NEBL: variants seen among roughly 807,000 people sequenced by gnomAD.
The protein encoded by NEBL is LIM and SH3 protein 2.
Under a neutral mutation model 140.2 loss-of-function variants are expected in NEBL, and 122 were observed. The observed-to-expected ratio is 0.87, with a 90% confidence interval of 0.75 to 1.01. The LOEUF (loss-of-function observed/expected upper bound fraction) is 1.01. Among genes scored for constraint, NEBL ranks in the 50% least tolerant of loss-of-function variants. NEBL has a pLI of 0.00. For missense variants in NEBL, 1,365 were observed against 1,231.3 expected (o/e 1.11, Z -1.62); for synonymous variants, 436 against 398.9 (o/e 1.09, Z -1.11).
At chr10:21,201,758 A>AATATTTCAGTCTTTCCTCTAGCT (rs1841739309) in intron 3 of NEBL, among the ~76,000 whole-genome samples, 1 of 152,200 alleles carries the variant, frequency 6.6e-6, no homozygotes, top group Non-Finnish European at 1.5e-5. Flanking sequence ...AAATATTACA[A>AATATTTCAGTCTTTCCTCTAGCT]ATATTTCAGT....
intron 2 of NEBL, among the ~76,000 whole-genome samples, chr10:21,088,879 G>C (rs1836776263): frequency 6.6e-6 from 1 of 152,184 alleles, no homozygotes; most frequent in Non-Finnish European, 1.5e-5. Flanking sequence ...TTCTAGAAGA[G>C]CTGGAGACTT....
At chr10:20,790,610 AAAAC>A (rs1378877019) in intron 26 of NEBL, among the ~76,000 whole-genome samples, 18 of 151,900 alleles carry the variant, frequency 1.2e-4, no homozygotes, top group African/African-American at 4.1e-4. Flanking sequence ...CAAAAAAAAA[AAAAC>A]AAAACAAACA....
intron 3 of NEBL, among the ~76,000 whole-genome samples, chr10:20,999,417 C>A (rs553530007): frequency 5.3e-5 from 8 of 152,176 alleles, no homozygotes; most frequent in Non-Finnish European, 1.2e-4. Flanking sequence ...GGCAATATGG[C>A]AAGACCCCAT....
chr10:20,987,246 T>A (rs1363908729), intron 3 of NEBL, among the ~76,000 whole-genome samples: 1 of 151,920 alleles, frequency 6.6e-6, no homozygotes, highest in Non-Finnish European at 1.5e-5. Context: ...AAACCCTGAG[T>A]GGGTATTTCC....
At chr10:21,129,596 A>G (rs2132066315) in intron 2 of NEBL, among the ~76,000 whole-genome samples, 1 of 152,236 alleles carries the variant, frequency 6.6e-6, no homozygotes, top group South Asian at 2.1e-4. Context: ...AATGAGAGGG[A>G]GGAATTAGAA....
chr10:20,883,792 A>G (rs888126412), intron 4 of NEBL, among the ~76,000 whole-genome samples: 1 of 152,204 alleles, frequency 6.6e-6, no homozygotes, highest in Non-Finnish European at 1.5e-5. Flanking sequence ...ACTCTTTCTT[A>G]AAAAGGCTAT....
intron 13 of NEBL, among the ~76,000 whole-genome samples, chr10:20,838,429 C>T (rs1841102119): frequency 1.3e-5 from 2 of 152,162 alleles, no homozygotes; most frequent in African/African-American, 4.8e-5. Context: ...CATAATCAAA[C>T]TTGAATGGAT....
At chr10:20,804,279 A>G (rs1729934893) in intron 26 of NEBL, 1 of 152,174 alleles carries the variant, frequency 6.6e-6, no homozygotes, top group South Asian at 2.1e-4. Flanking sequence ...CCATCTGAGC[A>G]CTGGACATTC....
chr10:20,813,430 A>G (rs548853385), intron 23 of NEBL, among the ~76,000 whole-genome samples: 3 of 152,088 alleles, frequency 2.0e-5, no homozygotes, highest in Non-Finnish European at 4.4e-5. Flanking sequence ...ACTTCAAAAT[A>G]TACTTTTTTT....
intron 11 of NEBL, among the ~76,000 whole-genome samples, chr10:20,848,795 T>A (rs1414414534): frequency 6.6e-6 from 1 of 152,176 alleles, no homozygotes; most frequent in African/African-American, 2.4e-5. Context: ...CCAAAAAGAT[T>A]GGAGACCACT....
chr10:21,149,250 C>T (rs1840041272), intron 2 of NEBL, among the ~76,000 whole-genome samples: 1 of 152,166 alleles, frequency 6.6e-6, no homozygotes, highest in Non-Finnish European at 1.5e-5. Context: ...AACCCTTCCT[C>T]ACCTTACGCA....
intron 4 of NEBL, among the ~76,000 whole-genome samples, chr10:20,954,307 T>C (rs1037618948): frequency 6.6e-6 from 1 of 152,106 alleles, no homozygotes; most frequent in Non-Finnish European, 1.5e-5. Flanking sequence ...AATAAAAATA[T>C]TTGTTGACAC....
intron 26 of NEBL, among the ~76,000 whole-genome samples, chr10:20,792,339 T>G (rs900591027): frequency 6.6e-6 from 1 of 152,224 alleles, no homozygotes; most frequent in Non-Finnish European, 1.5e-5. Flanking sequence ...ACTTGACTAC[T>G]GTTTTATCAG....
chr10:21,141,580 GTTTA>G (rs1196659982), intron 2 of NEBL, among the ~76,000 whole-genome samples: 1 of 152,134 alleles, frequency 6.6e-6, no homozygotes, highest in Non-Finnish European at 1.5e-5. Flanking sequence ...AAGTGTTGTT[GTTTA>G]TTTAATGCCA....
At chr10:21,278,376 C>A (rs1362867155) in intron 1 of NEBL, among the ~76,000 whole-genome samples, 1 of 152,132 alleles carries the variant, frequency 6.6e-6, no homozygotes, top group South Asian at 2.1e-4. Context: ...CCCAGGACGT[C>A]GAGGCTTCAG....
chr10:21,145,765 A>C (rs1839861304), intron 2 of NEBL, among the ~76,000 whole-genome samples: 1 of 152,222 alleles, frequency 6.6e-6, no homozygotes, highest in Non-Finnish European at 1.5e-5. Flanking sequence ...TTCTGCCTGC[A>C]ACAAGGCTAA....
chr10:21,065,499 G>A (rs1835495329), intron 2 of NEBL, among the ~76,000 whole-genome samples: 1 of 152,152 alleles, frequency 6.6e-6, no homozygotes, highest in Non-Finnish European at 1.5e-5. Context: ...AGCAGCTCAG[G>A]GGACATTTGT....
intron 3 of NEBL, among the ~76,000 whole-genome samples, chr10:21,213,024 A>G (rs761702657): frequency 2.6e-5 from 4 of 152,118 alleles, no homozygotes; most frequent in African/African-American, 4.8e-5. Flanking sequence ...AACGAAGGCA[A>G]TGAATTAATA....
chr10:21,235,882 A>G (rs1025726034), intron 3 of NEBL, among the ~76,000 whole-genome samples: 7 of 152,310 alleles, frequency 4.6e-5, no homozygotes, highest in African/African-American at 7.2e-5. Context: ...AGATGTGGCG[A>G]TCATTCATGC....
Sources: allele counts gnomAD v4.1 joint callset (sites outside exome capture counted in the v4.1 genomes callset), GRCh38; gene constraint gnomAD v4.1.1; transcripts MANE v1.5; gene names NCBI Gene and HGNC (gene_info 2026-07-23, HGNC 2026-07-21).